Variants in PLXDC2 observed in about 807,000 individuals in gnomAD.
PLXDC2 encodes the protein plexin domain containing 2.
PLXDC2 carries 40 observed loss-of-function variants against 68.9 expected under a neutral mutation model. The observed-to-expected ratio is 0.58, with a 90% CI of 0.45 to 0.76. The LOEUF (loss-of-function observed/expected upper bound fraction) is 0.76. PLXDC2 is among the 30% of genes least tolerant of loss of function. The probability of loss-of-function intolerance (pLI) is 0.00; values close to 1 mark genes in which losing one functional copy is unlikely to be tolerated. For synonymous variants in PLXDC2, 243 were observed against 234.2 expected, an observed-to-expected ratio of 1.04 and a Z score of -0.34; for missense variants, 644 against 661.9, an observed-to-expected ratio of 0.97 and a Z score of 0.30.
chr10:20,220,924 C>T (rs368191904), intron 12 of PLXDC2, among the ~76,000 whole-genome samples: 3 of 146,890 alleles, frequency 2.0e-5, no homozygotes, highest in African/African-American at 7.6e-5. Context: ...CTCACTGCAA[C>T]CTCCGTCTCC....
chr10:20,167,503 C>T (rs1327475158), intron 7 of PLXDC2, among the ~76,000 whole-genome samples: 3 of 152,146 alleles, frequency 2.0e-5, no homozygotes, highest in Non-Finnish European at 4.4e-5. Context: ...TATTTAGCAA[C>T]ACTCACTATT....
intron 1 of PLXDC2, among the ~76,000 whole-genome samples, chr10:19,944,087 G>C (rs1336686342): frequency 6.6e-6 from 1 of 152,140 alleles, no homozygotes; most frequent in Non-Finnish European, 1.5e-5. Flanking sequence ...GATTATAACT[G>C]CAATGTTCTC....
Position 19,819,368 on chromosome 10 carries a change from G to GA in PLXDC2, c.112+2184dup, listed in dbSNP as rs1254503860. 3.3e-5 allele frequency among the ~76,000 whole-genome samples: 5 copies of GA among 151,796 alleles called. No individual in the cohort carries two copies. In the South Asian group the frequency reaches 6.2e-4, roughly 19 times the overall value. ...GGACATCATTTACATGTAGTTTTAT[G>GA]AAAAAAATATTGTAATTAAATGGTT... On this transcript the variant is annotated intron_variant, in intron 1 of 13. Coordinates refer to ENST00000377252, the MANE Select transcript of PLXDC2 (RefSeq NM_032812.9).
intron 1 of PLXDC2, among the ~76,000 whole-genome samples, chr10:19,903,704 T>A (rs976897938): frequency 3.0e-4 from 44 of 148,094 alleles, no homozygotes; most frequent in Non-Finnish European, 4.5e-4. Context: ...CTTCATTATT[T>A]TTTTTTTTTT....
Position 20,166,567 on chromosome 10 carries a change from G to C in PLXDC2, c.883+2000G>C, listed in dbSNP as rs563262553. Among the ~76,000 whole-genome samples the C allele has an allele frequency of 3.9e-5, 6 of 152,144 alleles. No individual in the cohort carries two copies. The South Asian group carries it at 1.2e-3, about 32-fold the overall frequency. On this transcript the variant is annotated intron_variant, in intron 7 of 13. Coordinates refer to ENST00000377252, the MANE Select transcript of PLXDC2 (RefSeq NM_032812.9). ...AGAGTTGTTAAATCAAGCATGGTTT[G>C]AGTCAATTATTGCACAAGTAAAAAG...
intron 1 of PLXDC2, among the ~76,000 whole-genome samples, chr10:19,845,930 G>A (rs979044473): frequency 1.7e-4 from 26 of 152,226 alleles, no homozygotes; most frequent in African/African-American, 2.2e-4. Flanking sequence ...CCTTGGTCCC[G>A]TTTTAGTTAG....
At chr10:20,273,785 G>T (rs1454111549) in intron 13 of PLXDC2, among the ~76,000 whole-genome samples, 1 of 152,192 alleles carries the variant, frequency 6.6e-6, no homozygotes, top group Admixed American at 6.5e-5. Flanking sequence ...GGGAGGCCAA[G>T]GCAGGAGGAT....
chr10:20,001,866 C>A lies in PLXDC2; in HGVS notation c.204C>A (p.Asn68Lys). 1 of 1,614,010 alleles carries A rather than the reference C, an allele frequency of 6.2e-7. No homozygotes were observed. Among genetic ancestry groups the A allele is most frequent in the Non-Finnish European group, 8.5e-7 (1 of 1,180,000 alleles). ...SHAYSHRWKR[N>K]LDFLKAVDTN... ...CGTACAGCCACAGGTGGAAAAGAAA[C>A]TTGGACTTTCTCAAGGCGGTAGACA... The change falls in exon 2 of 14, where the codon AAC becomes AAA. Residue 68 changes from asparagine to lysine, a missense_variant. Around this residue, in one of 3 missense-constraint regions of PLXDC2, gnomAD observed 201 missense variants for 166.9 expected, o/e 1.20. Transcript: ENST00000377252.
At chr10:20,125,416 C>T (rs1322086210) in intron 4 of PLXDC2, among the ~76,000 whole-genome samples, 1 of 151,840 alleles carries the variant, frequency 6.6e-6, no homozygotes, top group African/African-American at 2.4e-5. Context: ...GAACAAAATC[C>T]AACCTGTTTG....
intron 9 of PLXDC2, among the ~76,000 whole-genome samples, chr10:20,202,937 A>G (rs1379538005): frequency 6.6e-6 from 1 of 151,990 alleles, no homozygotes; most frequent in Non-Finnish European, 1.5e-5. Flanking sequence ...CTACCTTTTT[A>G]TATATTTGTC....
At chr10:20,062,153 C>T (rs748825560) in intron 3 of PLXDC2, among the ~76,000 whole-genome samples, 9 of 152,272 alleles carry the variant, frequency 5.9e-5, no homozygotes, top group South Asian at 2.1e-4. Context: ...AGGCTGGGCA[C>T]GGTGGCTCAC....
intron 13 of PLXDC2, among the ~76,000 whole-genome samples, chr10:20,256,902 C>T (rs1431203740): frequency 6.6e-6 from 1 of 152,072 alleles, no homozygotes; most frequent in Non-Finnish European, 1.5e-5. Flanking sequence ...TCATGAAAAG[C>T]AGGATAGCAC....
chr10:20,143,254 G>A (rs765677919), intron 4 of PLXDC2, 41 bp from the exon 5 acceptor site: 10 of 1,563,762 alleles, frequency 6.4e-6, no homozygotes, highest in Middle Eastern at 2.1e-4. Context: ...TTTTATATGG[G>A]CTTCTTTTTC....
chr10:19,858,152 G>A (rs1272647419), intron 1 of PLXDC2, among the ~76,000 whole-genome samples: 3 of 152,178 alleles, frequency 2.0e-5, no homozygotes, highest in Non-Finnish European at 4.4e-5. Context: ...AGCAAGAACA[G>A]TTTAGAGTTG....
chr10:20,168,158 T>C (rs1281314100), intron 7 of PLXDC2, among the ~76,000 whole-genome samples: 4 of 152,140 alleles, frequency 2.6e-5, no homozygotes, highest in Non-Finnish European at 4.4e-5. Context: ...ATGGTAAAAC[T>C]AAGACTTATG....
chr10:20,163,837 G>T (rs577650186), intron 6 of PLXDC2, among the ~76,000 whole-genome samples: 2 of 151,980 alleles, frequency 1.3e-5, no homozygotes, highest in Non-Finnish European at 2.9e-5. Context: ...TCAGATCTTG[G>T]TTTCATTGAG....
At chr10:20,127,387 G>A (rs780105909) in intron 4 of PLXDC2, among the ~76,000 whole-genome samples, 3 of 152,118 alleles carry the variant, frequency 2.0e-5, no homozygotes, top group East Asian at 1.9e-4. Flanking sequence ...ATGAGAGTTG[G>A]GAAAGTGTAA....
chr10:19,994,253 CTTT>C (rs528321973), intron 1 of PLXDC2, among the ~76,000 whole-genome samples: 1,735 of 87,382 alleles, frequency 0.02, 65 homozygotes, highest in African/African-American at 0.067. Flanking sequence ...TTGTATTCTC[CTTT>C]TTTTTTTTTT....
chr10:20,012,476 C>T (rs931769210), intron 2 of PLXDC2, among the ~76,000 whole-genome samples: 9 of 150,310 alleles, frequency 6.0e-5, no homozygotes, highest in African/African-American at 2.2e-4. Context: ...CCACCACGCC[C>T]AGCTTTTTTT....
Sources: allele counts gnomAD v4.1 joint callset (sites outside exome capture counted in the v4.1 genomes callset), GRCh38; gene constraint gnomAD v4.1.1; regional missense constraint gnomAD v4.1.1; transcripts MANE v1.5; gene names NCBI Gene and HGNC (gene_info 2026-07-23, HGNC 2026-07-21).